SCD5: variants seen among roughly 807,000 people sequenced by gnomAD.
SCD5 encodes the protein stearoyl-CoA desaturase 5, also known as acyl-CoA-desaturase 4.
In SCD5, 20 loss-of-function variants were observed where a neutral mutation model predicts 30.4. The ratio of observed to expected loss-of-function variants is 0.66; its 90% CI spans 0.46 to 0.96. The LOEUF (loss-of-function observed/expected upper bound fraction) is 0.96. Among genes scored for constraint, SCD5 ranks in the 40% least tolerant of loss-of-function variants. SCD5 has a pLI of 0.00. For missense variants in SCD5, 381 were observed against 443.3 expected (o/e 0.86, Z 1.26); for synonymous variants, 173 against 176.4 (o/e 0.98, Z 0.16).
At chr4:82,724,262 C>T (rs1720427107) in intron 1 of SCD5, among the ~76,000 whole-genome samples, 1 of 152,132 alleles carries the variant, frequency 6.6e-6, no homozygotes, top group Non-Finnish European at 1.5e-5. Flanking sequence ...CTAACATTAA[C>T]ACCAACCACA....
At chr4:82,645,611 C>T (rs556382295) in intron 3 of SCD5, among the ~76,000 whole-genome samples, 123 of 152,296 alleles carry the variant, frequency 8.1e-4, no homozygotes, top group African/African-American at 2.9e-3. Flanking sequence ...ATTGGGAAGA[C>T]GTTCCTCAGC....
At chr4:82,753,327 T>C (rs1172476882) in intron 1 of SCD5, 1 of 530,734 alleles carries the variant, frequency 1.9e-6, no homozygotes, top group Non-Finnish European at 3.9e-6. Flanking sequence ...GGGGGTTCTG[T>C]GTATGGCCAG....
At chr4:82,693,115 C>G (rs111634296) in intron 2 of SCD5, among the ~76,000 whole-genome samples, 1 of 152,082 alleles carries the variant, frequency 6.6e-6, no homozygotes, top group African/African-American at 2.4e-5. Context: ...AGGGCAGGGC[C>G]GGGTTTGCTC....
At chr4:82,727,989 A>G (rs1013281717) in intron 1 of SCD5, among the ~76,000 whole-genome samples, 2 of 152,142 alleles carry the variant, frequency 1.3e-5, no homozygotes, top group Admixed American at 1.3e-4. Context: ...GATTACAGGC[A>G]TGAGCCACCA....
chr4:82,634,505 G>A (rs1332762153), intron 4 of SCD5, among the ~76,000 whole-genome samples: 1 of 151,804 alleles, frequency 6.6e-6, no homozygotes, highest in Admixed American at 6.6e-5. Flanking sequence ...ATCATTTTTA[G>A]TGTTTTTCCT....
chr4:82,750,936 T>C (rs1301830034), intron 1 of SCD5, among the ~76,000 whole-genome samples: 1 of 152,208 alleles, frequency 6.6e-6, no homozygotes, highest in Non-Finnish European at 1.5e-5. Flanking sequence ...CAGGCTAGGC[T>C]GGTTTCTTGG....
chr4:82,771,674 A>G (rs1578061782), intron 1 of SCD5, among the ~76,000 whole-genome samples: 1 of 152,152 alleles, frequency 6.6e-6, no homozygotes, highest in African/African-American at 2.4e-5. Context: ...CTGCCTCTCC[A>G]CCTGCCTCCT....
chr4:82,784,136 G>A (rs1181541999), intron 1 of SCD5, among the ~76,000 whole-genome samples: 1 of 152,120 alleles, frequency 6.6e-6, no homozygotes, highest in Non-Finnish European at 1.5e-5. Flanking sequence ...ACTGTTCTAT[G>A]AGCTTGAAAT....
At chr4:82,786,005 T>G (rs142480833) in intron 1 of SCD5, among the ~76,000 whole-genome samples, 174 of 152,336 alleles carry the variant, frequency 1.1e-3, no homozygotes, top group African/African-American at 4.1e-3. Flanking sequence ...ACGGGACAAT[T>G]ACATTTTAGA....
chr4:82,712,297 T>TATATACATATA (rs1560540874), intron 1 of SCD5, among the ~76,000 whole-genome samples: 5 of 33,734 alleles, frequency 1.5e-4, no homozygotes, highest in South Asian at 1.2e-3. Context: ...TATATATATA[T>TATATACATATA]TTTATTTTTA....
intron 1 of SCD5, among the ~76,000 whole-genome samples, chr4:82,750,793 T>A (rs1177703096): frequency 6.6e-6 from 1 of 152,216 alleles, no homozygotes; most frequent in Non-Finnish European, 1.5e-5. Flanking sequence ...GTGAATCTCA[T>A]GTTTAAGGCC....
At chr4:82,658,052 T>C (rs1727902410) in intron 3 of SCD5, among the ~76,000 whole-genome samples, 1 of 152,208 alleles carries the variant, frequency 6.6e-6, no homozygotes, top group Non-Finnish European at 1.5e-5. Flanking sequence ...CAGAGACAAT[T>C]TGACTTCCTC....
At chr4:82,659,079 AG>A (rs1189695779) in intron 3 of SCD5, among the ~76,000 whole-genome samples, 4 of 152,154 alleles carry the variant, frequency 2.6e-5, no homozygotes, top group Admixed American at 1.3e-4. Flanking sequence ...GGATGTGTTC[AG>A]GAATTTATCC....
At chr4:82,754,545 C>A (rs1012940643) in intron 1 of SCD5, among the ~76,000 whole-genome samples, 1 of 151,176 alleles carries the variant, frequency 6.6e-6, no homozygotes, top group Non-Finnish European at 1.5e-5. Context: ...CAGCAGCCCA[C>A]CCTCCTAACC....
intron 1 of SCD5, among the ~76,000 whole-genome samples, chr4:82,784,261 A>G (rs542348048): frequency 2.0e-5 from 3 of 152,306 alleles, no homozygotes; most frequent in East Asian, 3.9e-4. Context: ...ATTTAAAAAA[A>G]TTACCTATAC....
chr4:82,733,646 A>T (rs1325613100), intron 1 of SCD5, among the ~76,000 whole-genome samples: 1 of 152,182 alleles, frequency 6.6e-6, no homozygotes, highest in Non-Finnish European at 1.5e-5. Flanking sequence ...TGGAAACAAG[A>T]GCCTGAGAAT....
At chr4:82,777,353 C>G (rs1419787810) in intron 1 of SCD5, among the ~76,000 whole-genome samples, 1 of 152,202 alleles carries the variant, frequency 6.6e-6, no homozygotes, top group African/African-American at 2.4e-5. Flanking sequence ...ATCTTTCAAA[C>G]AGCATCAGAT....
intron 1 of SCD5, among the ~76,000 whole-genome samples, chr4:82,739,078 C>T (rs1376622815): frequency 6.6e-6 from 1 of 152,162 alleles, no homozygotes; most frequent in Non-Finnish European, 1.5e-5. Context: ...AATCTTACCC[C>T]TACTAGTTGC....
intron 3 of SCD5, among the ~76,000 whole-genome samples, chr4:82,665,449 G>A (rs925615822): frequency 6.6e-6 from 1 of 151,752 alleles, no homozygotes. Flanking sequence ...ATTGAAGTCA[G>A]TGACAAAAAA....
Sources: allele counts gnomAD v4.1 joint callset (sites outside exome capture counted in the v4.1 genomes callset), GRCh38; gene constraint gnomAD v4.1.1; transcripts MANE v1.5; gene names NCBI Gene and HGNC (gene_info 2026-07-23, HGNC 2026-07-21).